The following GABRB1 variants were observed in gnomAD, a reference collection of about 807,000 sequenced individuals.
The protein encoded by GABRB1 is gamma-aminobutyric acid receptor subunit beta-1.
GABRB1 carries 17 observed loss-of-function variants against 51.6 expected under a neutral mutation model. The observed-to-expected ratio is 0.33, with a 90% CI of 0.23 to 0.49. The LOEUF is 0.49. Ranked by LOEUF, GABRB1 falls within the 20% of genes least tolerant of loss-of-function variation. The pLI is 0.99. For synonymous variants in GABRB1, 247 were observed against 218.9 expected, an observed-to-expected ratio of 1.13 and a Z score of -1.14; for missense variants, 410 against 600.6, an observed-to-expected ratio of 0.68 and a Z score of 3.32.
chr4:47,014,892 G>GTATTTATT (rs71193895), intron 1 of GABRB1, among the ~76,000 whole-genome samples: 35 of 150,924 alleles, frequency 2.3e-4, no homozygotes, highest in African/African-American at 8.0e-4. Flanking sequence ...TTTAGTAGCT[G>GTATTTATT]TATTTATTTA....
chr4:47,087,481 G>A (rs1218119098), intron 3 of GABRB1, among the ~76,000 whole-genome samples: 1 of 152,068 alleles, frequency 6.6e-6, no homozygotes, highest in Admixed American at 6.6e-5. Context: ...CACACAGTGA[G>A]GAGGGTGCCT....
intron 5 of GABRB1, among the ~76,000 whole-genome samples, chr4:47,360,562 A>G (rs759652051): frequency 1.1e-3 from 160 of 152,200 alleles, no homozygotes; most frequent in Non-Finnish European, 1.8e-3. Context: ...ACCTTGTTTC[A>G]AAGGTATTTT....
chr4:47,077,939 T>TTTATATATA (rs1333467569), intron 3 of GABRB1, among the ~76,000 whole-genome samples: 3 of 117,916 alleles, frequency 2.5e-5, no homozygotes, highest in East Asian at 4.5e-4. Context: ...TATTATATAT[T>TTTATATATA]TTATATATAT....
chr4:47,222,010 AC>A (rs1720786138), intron 4 of GABRB1, among the ~76,000 whole-genome samples: 2 of 152,218 alleles, frequency 1.3e-5, no homozygotes, highest in South Asian at 4.1e-4. Context: ...TGCTAGGGAG[AC>A]ATTTTAAAAA....
At chr4:46,996,978 T>C (rs184168822) in intron 1 of GABRB1, among the ~76,000 whole-genome samples, 1 of 152,182 alleles carries the variant, frequency 6.6e-6, no homozygotes, top group African/African-American at 2.4e-5. Context: ...CAGTTTGAAA[T>C]GCTCCTGTTC....
intron 3 of GABRB1, among the ~76,000 whole-genome samples, chr4:47,038,415 G>A (rs1577848455): frequency 6.6e-6 from 1 of 152,192 alleles, no homozygotes; most frequent in Non-Finnish European, 1.5e-5. Context: ...TTGAACATTA[G>A]AGCCAAGACT....
rs910981384 is a variant in GABRB1 at position 47,296,083 on chromosome 4, T to C, written c.462-24044T>C. Among the ~76,000 whole-genome samples, 58 of 152,236 alleles carry C rather than the reference T, an allele frequency of 3.8e-4. 1 individual carries two copies. Among genetic ancestry groups the C allele is most frequent in the Admixed American group, 3.0e-3 (46 of 15,292 alleles). On this transcript the variant is annotated intron_variant, in intron 4 of 8. Transcript: ENST00000295454. ...TGAGAGATTTTGTCACCACCAGGCC[T>C]GCCCTAAAAGAGCTCCTGAAGGAAG...
chr4:47,279,597 G>A (rs1052426608), intron 4 of GABRB1, among the ~76,000 whole-genome samples: 5 of 151,974 alleles, frequency 3.3e-5, no homozygotes, highest in African/African-American at 1.2e-4. Context: ...TGTAATGGGG[G>A]TGCATATATA....
intron 5 of GABRB1, among the ~76,000 whole-genome samples, chr4:47,401,393 A>T (rs1394638918): frequency 2.0e-5 from 3 of 152,186 alleles, no homozygotes; most frequent in Non-Finnish European, 4.4e-5. Context: ...GACTGAGATG[A>T]CAGAAGTTCC....
chr4:47,269,335 T>TGCAATA (rs1482898945), intron 4 of GABRB1, among the ~76,000 whole-genome samples: 1 of 152,212 alleles, frequency 6.6e-6, no homozygotes, highest in Non-Finnish European at 1.5e-5. Flanking sequence ...TAAGGTTTCT[T>TGCAATA]AGGCAAGCAT....
chr4:47,150,362 A>G (rs1643395251), intron 3 of GABRB1, among the ~76,000 whole-genome samples: 1 of 100,284 alleles, frequency 1.0e-5, no homozygotes, highest in South Asian at 4.2e-4. Flanking sequence ...ACACACACAC[A>G]CGCACATACA....
At chr4:47,038,247 GT>G (rs1192494823) in intron 3 of GABRB1, among the ~76,000 whole-genome samples, 6 of 152,150 alleles carry the variant, frequency 3.9e-5, no homozygotes, top group Non-Finnish European at 8.8e-5. Context: ...GAACATTGAA[GT>G]ACTGATTGTG....
At chr4:47,106,274 A>T (rs574372503) in intron 3 of GABRB1, among the ~76,000 whole-genome samples, 3 of 152,090 alleles carry the variant, frequency 2.0e-5, no homozygotes, top group Non-Finnish European at 4.4e-5. Flanking sequence ...TAAAAAACCA[A>T]AATTGAACAA....
chr4:47,227,277 CAT>C (rs1209468919), intron 4 of GABRB1, among the ~76,000 whole-genome samples: 3 of 152,124 alleles, frequency 2.0e-5, no homozygotes, highest in African/African-American at 7.2e-5. Context: ...ATAAATAACT[CAT>C]ATGTGTAAAA....
chr4:47,301,417 G>T (rs1724255415), intron 4 of GABRB1, among the ~76,000 whole-genome samples: 1 of 152,048 alleles, frequency 6.6e-6, no homozygotes, highest in Non-Finnish European at 1.5e-5. Context: ...CAGGAAGATT[G>T]CTTGAACCCA....
intron 4 of GABRB1, among the ~76,000 whole-genome samples, chr4:47,196,015 G>A (rs1259513906): frequency 6.6e-6 from 1 of 152,182 alleles, no homozygotes; most frequent in Non-Finnish European, 1.5e-5. Flanking sequence ...CAAACCATAT[G>A]TAGTAGTACT....
intron 3 of GABRB1, among the ~76,000 whole-genome samples, chr4:47,111,405 CATATCT>C (rs1427594629): frequency 4.0e-5 from 6 of 150,956 alleles, no homozygotes; most frequent in Non-Finnish European, 7.4e-5. Flanking sequence ...TCTATAAATC[CATATCT>C]ATATCTATAT....
intron 4 of GABRB1, among the ~76,000 whole-genome samples, chr4:47,181,711 ATTG>A (rs1274097710): frequency 6.6e-6 from 1 of 152,050 alleles, no homozygotes; most frequent in African/African-American, 2.4e-5. Flanking sequence ...AATAGCTGCT[ATTG>A]TTGTAATGAT....
chr4:47,013,415 C>T (rs918338418), intron 1 of GABRB1, among the ~76,000 whole-genome samples: 6 of 152,170 alleles, frequency 3.9e-5, no homozygotes, highest in African/African-American at 1.2e-4. Flanking sequence ...CCACCCTAGC[C>T]TCCCGAGTGC....
Sources: gnomAD v4.1 joint callset for allele counts (sites outside exome capture counted in the v4.1 genomes callset) on GRCh38, gnomAD v4.1.1 for gene constraint, MANE v1.5 for transcripts, NCBI Gene and HGNC (gene_info 2026-07-23, HGNC 2026-07-21) for gene names.